Variants in NBEAL1 observed in about 807,000 individuals in gnomAD.
The protein encoded by NBEAL1 is neurobeachin like 1.
Under a neutral mutation model 351.3 loss-of-function variants are expected in NBEAL1, and 273 were observed. The observed-to-expected ratio is 0.78, with a 90% confidence interval of 0.70 to 0.86. NBEAL1 has a LOEUF of 0.86. NBEAL1 is among the 40% of genes least tolerant of loss of function. NBEAL1 has a pLI of 0.00. For missense variants in NBEAL1, 2,961 were observed against 3,201.3 expected (o/e 0.92, Z 1.81); for synonymous variants, 1,050 against 1,086.4 (o/e 0.97, Z 0.66).
At chr2:203,127,724 A>G in intron 23 of NBEAL1, 57 bp from the exon 24 acceptor site, 1 of 1,206,318 alleles carries the variant, frequency 8.3e-7, no homozygotes, top group Non-Finnish European at 1.2e-6. Flanking sequence ...TCCATCTCAG[A>G]AAAAAGGAAA....
At chr2:203,029,115 A>G (rs2060908196) in intron 2 of NBEAL1, among the ~76,000 whole-genome samples, 1 of 152,160 alleles carries the variant, frequency 6.6e-6, no homozygotes, top group South Asian at 2.1e-4. Flanking sequence ...TCTCCTGAGT[A>G]GCTGTGATTA....
At chr2:203,020,602 CAG>C (rs766055101) in intron 2 of NBEAL1, among the ~76,000 whole-genome samples, 13 of 150,120 alleles carry the variant, frequency 8.7e-5, no homozygotes, top group Non-Finnish European at 1.6e-4. Flanking sequence ...ACTTAGGAAA[CAG>C]AGGTTGCAGT....
intron 31 of NBEAL1, among the ~76,000 whole-genome samples, chr2:203,140,882 G>A (rs1250600547): frequency 6.6e-6 from 1 of 152,028 alleles, no homozygotes. Context: ...GGGAGGATGA[G>A]GCATGAGAAT....
At chr2:203,081,870 G>A (rs186065551) in intron 8 of NBEAL1, among the ~76,000 whole-genome samples, 2 of 152,360 alleles carry the variant, frequency 1.3e-5, no homozygotes, top group East Asian at 1.9e-4. Context: ...GGGAGACTGA[G>A]GTGGCAGGAT....
At chr2:203,039,163 CCTGT>C (rs1242392885) in intron 2 of NBEAL1, among the ~76,000 whole-genome samples, 4 of 147,382 alleles carry the variant, frequency 2.7e-5, no homozygotes, top group Non-Finnish European at 6.1e-5. Context: ...CTTGTCTTGT[CCTGT>C]CTTTTTTCTT....
chr2:203,079,500 C>G (rs994056284), intron 8 of NBEAL1, among the ~76,000 whole-genome samples: 1 of 152,080 alleles, frequency 6.6e-6, no homozygotes, highest in Non-Finnish European at 1.5e-5. Context: ...TTTTTTCCAT[C>G]CAAGTTTATA....
intron 31 of NBEAL1, among the ~76,000 whole-genome samples, chr2:203,139,557 CTTTTTTT>C (rs370861737): frequency 4.4e-5 from 3 of 67,644 alleles, no homozygotes; most frequent in Admixed American, 1.9e-4. Context: ...CCACCCCCAC[CTTTTTTT>C]TTTTTTTTTT....
rs372451839 is a variant in NBEAL1, at chr2:203,103,038, G to A, written c.1269+3326G>A. Among the ~76,000 whole-genome samples, 4 of 152,168 alleles carry A rather than the reference G, an allele frequency of 2.6e-5. No individual in the cohort carries two copies. In the South Asian group the frequency reaches 8.3e-4, roughly 32 times the overall value. On this transcript the variant is annotated intron_variant, in intron 12 of 55. Transcript: ENST00000683969. ...TTTTCTTCCTAGTTTGATCTTGGGA[G>A]GTTGTATGTTTCTAGGAATTTATCC...
At chr2:203,096,495 T>C (rs1160595297) in intron 10 of NBEAL1, among the ~76,000 whole-genome samples, 1 of 152,204 alleles carries the variant, frequency 6.6e-6, no homozygotes, top group African/African-American at 2.4e-5. Context: ...ATCATTTGAA[T>C]TTTTTTCAAA....
chr2:203,126,512 T>C, intron 21 of NBEAL1, 45 bp from the exon 22 acceptor site: 5 of 1,311,586 alleles, frequency 3.8e-6, no homozygotes, highest in Non-Finnish European at 4.0e-6. Context: ...TTAATGACAG[T>C]TATTTAAACT....
chr2:203,179,364 G>A (rs2064627838), intron 42 of NBEAL1, among the ~76,000 whole-genome samples: 1 of 152,174 alleles, frequency 6.6e-6, no homozygotes, highest in Non-Finnish European at 1.5e-5. Context: ...CAGCTACTTG[G>A]AAGGCTGAGG....
At chr2:203,043,743 A>G (rs910212060) in intron 3 of NBEAL1, among the ~76,000 whole-genome samples, 2 of 151,864 alleles carry the variant, frequency 1.3e-5, no homozygotes, top group African/African-American at 4.8e-5. Context: ...AAAAAAAAAA[A>G]AAGTGTGTTG....
At chr2:203,135,243 A>G (rs1295828196) in intron 27 of NBEAL1, among the ~76,000 whole-genome samples, 1 of 151,270 alleles carries the variant, frequency 6.6e-6, no homozygotes, top group Non-Finnish European at 1.5e-5. Context: ...CTCAGTTTCT[A>G]TCAAAATGTC....
intron 12 of NBEAL1, among the ~76,000 whole-genome samples, chr2:203,103,259 A>G (rs115820187): frequency 0.049 from 7,409 of 150,690 alleles, 191 homozygotes; most frequent in Middle Eastern, 0.09. Context: ...AACTCCTGGA[A>G]TTGTTGATCT....
At chr2:203,016,126 C>T in intron 1 of NBEAL1, 30 bp from the exon 2 acceptor site, 1 of 319,312 alleles carries the variant, frequency 3.1e-6, no homozygotes, top group Non-Finnish European at 5.6e-6. Context: ...GCCTCTTTTT[C>T]TAACCTGTGG....
chr2:203,041,967 C>T lies in NBEAL1; in HGVS notation c.143+111C>T, dbSNP rs2061149520. 12 of 715,496 alleles carry T rather than the reference C, an allele frequency of 1.7e-5. No individual in the cohort carries two copies. The South Asian group carries it at 1.9e-4, about 12-fold the overall frequency. 44.3% of individuals were successfully genotyped at this position (715,496 alleles called of 1,614,324 possible). Reference sequence around the variant, plus strand: ...GCAATTATGTTACCCTCTTGATACTCATGAATAACCCTATTCTCATAGAGA... The same window carrying T: ...GCAATTATGTTACCCTCTTGATACTTATGAATAACCCTATTCTCATAGAGA... On this transcript the variant is annotated intron_variant, in intron 3 of 55. Coordinates refer to ENST00000683969, the MANE Select transcript of NBEAL1 (RefSeq NM_001378026.1).
chr2:203,065,760 A>G (rs1431859387), intron 6 of NBEAL1, among the ~76,000 whole-genome samples: 1 of 152,148 alleles, frequency 6.6e-6, no homozygotes, highest in Admixed American at 6.5e-5. Context: ...TCAGAAAAAA[A>G]AAAAGAAGCC....
intron 26 of NBEAL1, 28 bp from the exon 27 acceptor site, chr2:203,133,024 ATTTAAT>A (rs2063108623): frequency 1.1e-6 from 1 of 939,300 alleles, no homozygotes; most frequent in Non-Finnish European, 1.6e-6. Context: ...TATCTCTGGT[ATTTAAT>A]TTTAACTTTT....
chr2:203,199,819 C>T (rs1243290258), intron 49 of NBEAL1, among the ~76,000 whole-genome samples: 1 of 152,062 alleles, frequency 6.6e-6, no homozygotes, highest in African/African-American at 2.4e-5. Context: ...CCTCCTTCCT[C>T]CCTCCATTCC....
Sources: allele counts gnomAD v4.1 joint callset (sites outside exome capture counted in the v4.1 genomes callset), GRCh38; gene constraint gnomAD v4.1.1; transcripts MANE v1.5; gene names NCBI Gene and HGNC (gene_info 2026-07-23, HGNC 2026-07-21).